The following BDKRB2 variants were observed in gnomAD, a reference collection of about 807,000 sequenced individuals.
BDKRB2 encodes B2 bradykinin receptor.
A neutral mutation model predicts 4.0 loss-of-function variants in BDKRB2; 6 were observed. The ratio of observed to expected loss-of-function variants is 1.49; its 90% CI spans 0.81 to 2.93. The LOEUF (loss-of-function observed/expected upper bound fraction) is 2.93, where lower values mean the gene tolerates loss of function less well. Ranked by LOEUF, BDKRB2 falls within the 30% of genes most tolerant of loss-of-function variation. BDKRB2 has a pLI of 0.00. For synonymous variants in BDKRB2, 225 were observed against 215.3 expected (o/e 1.05, Z -0.40); for missense variants, 478 against 520.1 (o/e 0.92, Z 0.79).
At chr14:96,233,729 G>T (rs1378856800) in intron 1 of BDKRB2, 2 of 152,190 alleles carry the variant, frequency 1.3e-5, no homozygotes, top group African/African-American at 2.4e-5. Flanking sequence ...CTAAGGTGTG[G>T]ATTCCTGGGA....
intron 1 of BDKRB2, among the ~76,000 whole-genome samples, chr14:96,220,090 T>A (rs1259537251): frequency 6.6e-6 from 1 of 151,916 alleles, no homozygotes. Context: ...TTGTTAACCA[T>A]TTACCAGCAC....
chr14:96,231,027 GC>G (rs1432025404), intron 1 of BDKRB2, among the ~76,000 whole-genome samples: 3 of 152,002 alleles, frequency 2.0e-5, no homozygotes, highest in African/African-American at 7.3e-5. Context: ...AAACTGAAAA[GC>G]CCAGTTTGGG....
intron 1 of BDKRB2, among the ~76,000 whole-genome samples, chr14:96,236,086 C>T (rs2069574): frequency 0.079 from 12,018 of 152,182 alleles, 547 homozygotes; most frequent in Middle Eastern, 0.099. Flanking sequence ...GGGGTAGAGA[C>T]AAGGGTCGTC....
chr14:96,240,691 C>T lies in BDKRB2; in HGVS notation c.363C>T (p.Phe121=), dbSNP rs745845591. The T allele has an allele frequency of 5.0e-6, 8 of 1,598,820 alleles. No individual in the cohort carries two copies. The East Asian group carries it at 6.7e-5, about 13-fold the overall frequency. Residue 121 remains phenylalanine, a synonymous_variant, in exon 3 of 3, where the codon TTC becomes TTT. Transcript: ENST00000554311. ...PFWAITISNN[F]DWLFGETLCR... ...GGGCCATCACCATCTCCAACAACTT[C>T]GACTGGCTCTTTGGGGAGACGCTCT...
intron 1 of BDKRB2, among the ~76,000 whole-genome samples, chr14:96,224,576 C>T (rs1003253119): frequency 1.3e-5 from 2 of 152,174 alleles, no homozygotes; most frequent in African/African-American, 4.8e-5. Flanking sequence ...GTCACCTGCC[C>T]TAGGTCTTCC....
rs180767535 is a variant in BDKRB2, at chr14:96,240,258, G to A, written c.75-145G>A. 2.0e-5 allele frequency: 27 copies of A among 1,330,486 alleles called. No individual in the cohort carries two copies. The Admixed American group carries it at 3.1e-4, about 15-fold the overall frequency. The allele number at this position is 1,330,486 out of a possible 1,614,324, so 82.4% of individuals were successfully genotyped here. A position where few individuals can be genotyped will look rare whatever the true frequency, so the allele number is the denominator to read the frequency against. ...CCAGGGGAGTCAGGTGCACTGGAGCGCGGGCTGCAGAAAACAGCCTGAGCT... is the reference window on the plus strand; with the variant it reads ...CCAGGGGAGTCAGGTGCACTGGAGCACGGGCTGCAGAAAACAGCCTGAGCT... On this transcript the variant is annotated intron_variant, in intron 2 of 2. Coordinates refer to ENST00000554311, the MANE Select transcript of BDKRB2 (RefSeq NM_001379692.1).
intron 1 of BDKRB2, chr14:96,234,199 T>A (rs1366588064): frequency 1.3e-5 from 2 of 152,238 alleles, no homozygotes; most frequent in East Asian, 3.9e-4. Context: ...TTCTTTACAG[T>A]GCTGTAGGCA....
At chr14:96,214,969 G>A (rs982819203) in intron 1 of BDKRB2, among the ~76,000 whole-genome samples, 13 of 152,184 alleles carry the variant, frequency 8.5e-5, no homozygotes, top group African/African-American at 3.1e-4. Flanking sequence ...AGACCTAAGA[G>A]AGTTCCTTTA....
At chr14:96,229,333 G>C (rs921781863) in intron 1 of BDKRB2, among the ~76,000 whole-genome samples, 8 of 152,110 alleles carry the variant, frequency 5.3e-5, no homozygotes, top group African/African-American at 2.4e-5. Context: ...TGTATTGCAA[G>C]GAACTGGCTT....
intron 2 of BDKRB2, chr14:96,237,906 G>A (rs929975698): frequency 4.0e-6 from 5 of 1,265,640 alleles, no homozygotes; most frequent in Admixed American, 4.8e-5. Flanking sequence ...AGCATCTGGT[G>A]CTATACTTTG....
chr14:96,228,698 G>A (rs1404314995), intron 1 of BDKRB2, among the ~76,000 whole-genome samples: 1 of 152,228 alleles, frequency 6.6e-6, no homozygotes, highest in Non-Finnish European at 1.5e-5. Context: ...AAACAGGAAT[G>A]TGAAGTTCTC....
In BDKRB2 at chr14:96,240,755, A is replaced by G; in HGVS notation, c.427A>G (p.Ser143Gly). The G allele has an allele frequency of 1.9e-6, 3 of 1,576,082 alleles. No homozygotes were observed. The highest frequency in any genetic ancestry group is 2.6e-6 in the Non-Finnish European group (3 of 1,162,360). Residue 143 changes from serine (S) to glycine (G), a missense_variant, in exon 3 of 3, where the codon AGC becomes GGC. Ser to Gly is a moderately conservative substitution (Grantham distance 56, BLOSUM62 0). Transcript: ENST00000554311. ...VNAIISMNLYSSICFLMLVSI... is the reference protein window; with the variant it reads ...VNAIISMNLYGSICFLMLVSI... ...TGCCATTATCTCCATGAACCTGTAC[A>G]GCAGCATCTGTTTCCTGATGCTGGT... is the stretch of plus-strand genomic sequence containing the variant.
chr14:96,241,178 C>T lies in BDKRB2; in HGVS notation c.850C>T (p.Leu284=), dbSNP rs201755311. The change falls in exon 3 of 3, where the codon CTG becomes TTG. Residue 284 remains leucine (L), a synonymous_variant. Transcript: ENST00000554311. The part of the protein sequence containing the change: ...VVLLLFIICW[L]PFQISTFLDT... ...GCTGCTGCTATTCATCATCTGCTGG[C>T]TGCCCTTCCAGATCAGCACCTTCCT... The T allele has an allele frequency of 5.6e-6, 9 of 1,605,246 alleles. No homozygotes were observed. Among genetic ancestry groups the T allele is most frequent in the Non-Finnish European group, 6.0e-6 (7 of 1,173,794 alleles).
chr14:96,208,797 T>A (rs1401953739), intron 1 of BDKRB2, among the ~76,000 whole-genome samples: 1 of 152,172 alleles, frequency 6.6e-6, no homozygotes. Context: ...AACTTTAGAT[T>A]TACTCCGGCC....
chr14:96,217,464 G>A (rs1417018311), intron 1 of BDKRB2, among the ~76,000 whole-genome samples: 1 of 152,220 alleles, frequency 6.6e-6, no homozygotes, highest in Non-Finnish European at 1.5e-5. Flanking sequence ...CCTGCTCAAA[G>A]GCATATTGTT....
intron 1 of BDKRB2, chr14:96,223,472 A>G: frequency 1.6e-6 from 1 of 638,868 alleles, no homozygotes; most frequent in South Asian, 1.8e-5. Flanking sequence ...TGTTCAATAC[A>G]CTGTTTGAAT....
At chr14:96,226,252 C>A (rs564221760) in intron 1 of BDKRB2, among the ~76,000 whole-genome samples, 7 of 152,228 alleles carry the variant, frequency 4.6e-5, no homozygotes, top group African/African-American at 1.7e-4. Flanking sequence ...CCCCCACTAC[C>A]CCTCTGCCTC....
intron 1 of BDKRB2, among the ~76,000 whole-genome samples, chr14:96,218,810 T>C (rs771756049): frequency 2.6e-5 from 4 of 151,860 alleles, no homozygotes; most frequent in Non-Finnish European, 5.9e-5. Context: ...TCCCAGCTAC[T>C]AGGAAGGCTG....
intron 1 of BDKRB2, among the ~76,000 whole-genome samples, chr14:96,236,452 G>A (rs577557347): frequency 6.6e-6 from 1 of 152,086 alleles, no homozygotes; most frequent in African/African-American, 2.4e-5. Context: ...GCCTTTGCAG[G>A]AGATGGAAGC....
Sources: allele counts gnomAD v4.1 joint callset (sites outside exome capture counted in the v4.1 genomes callset), GRCh38; gene constraint gnomAD v4.1.1; transcripts MANE v1.5; gene names NCBI Gene and HGNC (gene_info 2026-07-23, HGNC 2026-07-21).